Variants in APAF1 observed in about 807,000 individuals in gnomAD.
APAF1 encodes the protein apoptotic peptidase activating factor 1, also known as apoptotic protease-activating factor 1.
APAF1 carries 91 observed loss-of-function variants against 152.4 expected under a neutral mutation model. The observed-to-expected ratio is 0.60, with a 90% CI of 0.50 to 0.71. The LOEUF (loss-of-function observed/expected upper bound fraction) is 0.71, where lower values mean the gene tolerates loss of function less well. Among genes scored for constraint, APAF1 ranks in the 30% least tolerant of loss-of-function variants. The probability of loss-of-function intolerance (pLI) is 0.00; values close to 1 mark genes in which losing one functional copy is unlikely to be tolerated. For missense variants in APAF1, 1,283 were observed against 1,472.0 expected (o/e 0.87, Z 2.10); for synonymous variants, 484 against 494.1 (o/e 0.98, Z 0.27).
At chr12:98,674,906 A>C (rs1193985262) in intron 12 of APAF1, among the ~76,000 whole-genome samples, 1 of 152,200 alleles carries the variant, frequency 6.6e-6, no homozygotes, top group Non-Finnish European at 1.5e-5. Flanking sequence ...ATTCAGTATA[A>C]ATTTATGGAA....
At chr12:98,646,756 AACTGGG>A (rs1414840961) in intron 1 of APAF1, among the ~76,000 whole-genome samples, 1 of 152,228 alleles carries the variant, frequency 6.6e-6, no homozygotes, top group Admixed American at 6.5e-5. Context: ...AGATATTGTG[AACTGGG>A]TTTTATGCCC....
intron 15 of APAF1, among the ~76,000 whole-genome samples, chr12:98,684,508 A>AC (rs1393763929): frequency 1.1e-3 from 66 of 61,254 alleles, no homozygotes; most frequent in African/African-American, 7.9e-4. Flanking sequence ...TCCTCCCCCC[A>AC]CCCCCCCTCT....
chr12:98,680,237 G>A (rs970630761), intron 13 of APAF1, 40 bp from the exon 14 acceptor site: 1 of 1,535,858 alleles, frequency 6.5e-7, no homozygotes, highest in African/African-American at 1.4e-5. Context: ...CAGTAGTTAA[G>A]CAGTTTATTA....
At chr12:98,728,598 G>A (rs1356937266) in intron 26 of APAF1, among the ~76,000 whole-genome samples, 3 of 152,214 alleles carry the variant, frequency 2.0e-5, no homozygotes, top group South Asian at 4.2e-4. Flanking sequence ...GCGGGCACCT[G>A]TAGTCCCAGC....
At chr12:98,707,711 T>TATATATATATATATATATATATATATAC (rs200051674) in intron 19 of APAF1, among the ~76,000 whole-genome samples, 2 of 149,918 alleles carry the variant, frequency 1.3e-5, no homozygotes, top group South Asian at 2.1e-4. Context: ...TATATATATA[T>TATATATATATATATATATATATATATAC]ACATATAAAT....
chr12:98,671,387 A>G (rs1212707950), intron 11 of APAF1, 148 bp from the exon 12 acceptor site: 4 of 750,744 alleles, frequency 5.3e-6, no homozygotes, highest in African/African-American at 3.5e-5. Context: ...GGATTACTAT[A>G]TATTTGTTAC....
intron 13 of APAF1, among the ~76,000 whole-genome samples, 193 bp downstream of exon 13, chr12:98,677,744 A>G (rs913979210): frequency 1.3e-5 from 2 of 152,184 alleles, no homozygotes; most frequent in African/African-American, 4.8e-5. Context: ...CTAATTCTAA[A>G]CTTACAGGTG....
In APAF1 at chr12:98,665,578, T is replaced by C; in HGVS notation, c.981T>C (p.Ile327=). Reference sequence around the variant, plus strand: ...GCTCTCCCCTTGTAGTATCTTTAATTGGTGCACTTTTACGTGATTTTCCCA... The same window carrying C: ...GCTCTCCCCTTGTAGTATCTTTAATCGGTGCACTTTTACGTGATTTTCCCA... ...CKGSPLVVSL[I]GALLRDFPNR... The change falls in exon 8 of 27, where the codon ATT becomes ATC. Residue 327 remains isoleucine, a synonymous_variant. Coordinates refer to ENST00000551964, the MANE Select transcript of APAF1 (RefSeq NM_181861.2). 1.2e-6 allele frequency: 2 copies of C among 1,613,708 alleles called. No homozygotes were observed. The highest frequency in any genetic ancestry group is 1.7e-6 in the Non-Finnish European group (2 of 1,179,762).
rs552781252 is a variant in APAF1 at position 98,673,216 on chromosome 12, C to A, written c.1793+1497C>A. 3.3e-5 allele frequency among the ~76,000 whole-genome samples: 5 copies of A among 151,908 alleles called. No individual in the cohort carries two copies. In the South Asian group the frequency reaches 1.0e-3, roughly 32 times the overall value. On this transcript the variant is annotated intron_variant, in intron 12 of 26. Coordinates refer to ENST00000551964, the MANE Select transcript of APAF1 (RefSeq NM_181861.2). ...GATCTTGTGGCTGGGCATGGTGGCT[C>A]ATGCCTGGAATCCCAGCAATTTGGG...
intron 24 of APAF1, 53 bp from the exon 25 acceptor site, chr12:98,725,362 A>G: frequency 6.2e-7 from 1 of 1,610,898 alleles, no homozygotes; most frequent in Non-Finnish European, 8.5e-7. Flanking sequence ...ATCAAGGCAG[A>G]TGCTTATTTT....
intron 15 of APAF1, among the ~76,000 whole-genome samples, chr12:98,685,296 C>T (rs959981414): frequency 4.6e-5 from 7 of 151,542 alleles, no homozygotes; most frequent in Non-Finnish European, 1.0e-4. Flanking sequence ...TTAGTTTCAA[C>T]AATTATCAGT....
chr12:98,683,827 G>A (rs983858225), intron 15 of APAF1, among the ~76,000 whole-genome samples: 1 of 152,210 alleles, frequency 6.6e-6, no homozygotes, highest in Non-Finnish European at 1.5e-5. Flanking sequence ...TGAATCGTAA[G>A]TAGAGCTTAA....
intron 18 of APAF1, among the ~76,000 whole-genome samples, 158 bp from the exon 19 acceptor site, chr12:98,706,324 AAAT>A (rs1287049211): frequency 6.6e-6 from 1 of 152,238 alleles, no homozygotes; most frequent in African/African-American, 2.4e-5. Flanking sequence ...ATGATGCACT[AAAT>A]AATCTTCTGC....
At chr12:98,727,012 C>T (rs1191369515) in intron 25 of APAF1, among the ~76,000 whole-genome samples, 161 bp from the exon 26 acceptor site, 1 of 151,988 alleles carries the variant, frequency 6.6e-6, no homozygotes, top group African/African-American at 2.4e-5. Context: ...TATTAAATGC[C>T]ACTGGAAATA....
At chr12:98,727,986 T>G (rs1217445152) in intron 26 of APAF1, among the ~76,000 whole-genome samples, 1 of 148,468 alleles carries the variant, frequency 6.7e-6, no homozygotes, top group Non-Finnish European at 1.5e-5. Flanking sequence ...ATTAATTAAT[T>G]AAAAAAATAA....
At chr12:98,692,053 T>C (rs1001214931) in intron 16 of APAF1, among the ~76,000 whole-genome samples, 2 of 152,190 alleles carry the variant, frequency 1.3e-5, no homozygotes, top group African/African-American at 4.8e-5. Flanking sequence ...AGTTAATTAT[T>C]CTCTTCTCAA....
chr12:98,695,862 G>A (rs943872980), intron 16 of APAF1, among the ~76,000 whole-genome samples: 1 of 152,146 alleles, frequency 6.6e-6, no homozygotes. Context: ...AGAAGGTACT[G>A]GGTGCCAGCA....
intron 1 of APAF1, among the ~76,000 whole-genome samples, chr12:98,646,895 T>C (rs1400471656): frequency 6.6e-6 from 1 of 152,180 alleles, no homozygotes; most frequent in Non-Finnish European, 1.5e-5. Context: ...AAGTGTTTCC[T>C]GTTGCTTTGT....
In APAF1 at chr12:98,708,596, A is replaced by G; in HGVS notation, c.2733A>G (p.Thr911=). The G allele has an allele frequency of 6.2e-7, 1 of 1,613,374 alleles. No individual in the cohort carries two copies. The highest frequency in any genetic ancestry group is 8.5e-7 in the Non-Finnish European group (1 of 1,179,638). The change falls in exon 20 of 27, where the codon ACA becomes ACG. Residue 911 remains threonine (T), a synonymous_variant. Transcript: ENST00000551964. ...SDDQTIRLWE[T]KKVCKNSAVM... ...TATCTCTTAATCAGCTCTGGGAGAC[A>G]AAGAAAGTATGTAAGAACTCTGCTG...
Sources: allele counts gnomAD v4.1 joint callset (sites outside exome capture counted in the v4.1 genomes callset), GRCh38; gene constraint gnomAD v4.1.1; transcripts MANE v1.5; gene names NCBI Gene and HGNC (gene_info 2026-07-23, HGNC 2026-07-21).